Variants in TENM3 observed in about 807,000 individuals in gnomAD.
TENM3 encodes the protein teneurin transmembrane protein 3.
TENM3 carries 63 observed loss-of-function variants against 255.1 expected under a neutral mutation model. The ratio of observed to expected loss-of-function variants is 0.25; its 90% CI spans 0.20 to 0.30. The LOEUF (loss-of-function observed/expected upper bound fraction) is 0.30. Among genes scored for constraint, TENM3 ranks in the 10% least tolerant of loss-of-function variants. TENM3 has a pLI of 1.00. For synonymous variants in TENM3, 1,306 were observed against 1,322.3 expected (o/e 0.99, Z 0.27); for missense variants, 2,929 against 3,461.1 (o/e 0.85, Z 3.86).
intron 24 of TENM3, among the ~76,000 whole-genome samples, chr4:182,777,575 T>G (rs1292652378): frequency 7.7e-6 from 1 of 130,274 alleles, no homozygotes; most frequent in African/African-American, 2.8e-5. Context: ...TTTTTTTTTT[T>G]GAGATGGAGT....
chr4:182,186,479 A>G (rs1346410450), intron 1 of TENM3, among the ~76,000 whole-genome samples: 1 of 151,906 alleles, frequency 6.6e-6, no homozygotes, highest in East Asian at 1.9e-4. Flanking sequence ...TATATTTTTA[A>G]TAATAGAAGA....
At chr4:181,550,092 A>C in the TENM3 span, among the ~76,000 whole-genome samples, 1 of 152,220 alleles carries the variant, frequency 6.6e-6, no homozygotes, top group Admixed American at 6.5e-5. Context: ...GTGGTAACCT[A>C]AACAAAAGAG....
At chr4:182,629,679 G>A (rs975515865) in intron 5 of TENM3, among the ~76,000 whole-genome samples, 1 of 152,002 alleles carries the variant, frequency 6.6e-6, no homozygotes, top group Non-Finnish European at 1.5e-5. Flanking sequence ...AGGCTTTGTG[G>A]TTTATCCACC....
the TENM3 span, among the ~76,000 whole-genome samples, chr4:181,797,417 C>T: frequency 2.6e-5 from 4 of 152,032 alleles, no homozygotes; most frequent in Non-Finnish European, 5.9e-5. Context: ...GCTGACACAC[C>T]TTCTCCTTCC....
the TENM3 span, among the ~76,000 whole-genome samples, chr4:181,716,829 T>C: frequency 7.5e-4 from 114 of 152,156 alleles, 1 homozygote; most frequent in Non-Finnish European, 1.3e-3. Context: ...AACAAGAAAT[T>C]TCATCAGTTG....
At chr4:182,332,457 C>G (rs529294995) in intron 2 of TENM3, among the ~76,000 whole-genome samples, 1 of 152,218 alleles carries the variant, frequency 6.6e-6, no homozygotes, top group South Asian at 2.1e-4. Flanking sequence ...CTTTGGGAGG[C>G]CGAGGCGGGC....
the TENM3 span, among the ~76,000 whole-genome samples, chr4:181,511,722 C>A: frequency 1.3e-5 from 2 of 152,152 alleles, no homozygotes; most frequent in Non-Finnish European, 2.9e-5. Flanking sequence ...AAGACATTTT[C>A]AGAAGAACTC....
chr4:181,881,870 A>G, the TENM3 span, among the ~76,000 whole-genome samples: 2 of 152,222 alleles, frequency 1.3e-5, no homozygotes, highest in Non-Finnish European at 2.9e-5. Flanking sequence ...TCTAGACCAT[A>G]AAAATCTCCT....
the TENM3 span, among the ~76,000 whole-genome samples, chr4:182,135,138 G>A: frequency 4.2e-5 from 6 of 144,354 alleles, no homozygotes; most frequent in East Asian, 1.0e-3. Context: ...CCCGGGAGGC[G>A]GACGTTGCAG....
chr4:182,449,952 A>C (rs1274000683), intron 3 of TENM3, among the ~76,000 whole-genome samples: 3 of 152,216 alleles, frequency 2.0e-5, no homozygotes, highest in Non-Finnish European at 2.9e-5. Context: ...TGAGAAAGTC[A>C]CATTTCCTCC....
rs192589335 is a variant in TENM3, at chr4:182,266,296, G to T, written c.-76+22820G>T. ...TAAAATGTGTTTTTGGTAGAAGATT[G>T]TAAGAAGTCATGGGAATGTGGATTT... On this transcript the variant is annotated intron_variant, in intron 1 of 27. Coordinates refer to ENST00000511685, the MANE Select transcript of TENM3 (RefSeq NM_001080477.4). Among the ~76,000 whole-genome samples, 227 of 152,344 alleles carry T rather than the reference G, an allele frequency of 1.5e-3. 1 individual carries two copies. The highest frequency in any genetic ancestry group is 5.1e-3 in the African/African-American group (211 of 41,586).
the TENM3 span, among the ~76,000 whole-genome samples, chr4:181,903,234 A>G: frequency 6.6e-6 from 1 of 150,972 alleles, no homozygotes; most frequent in Non-Finnish European, 1.5e-5. Context: ...CTTCTGAATT[A>G]GTTTTTTATA....
At chr4:181,829,751 A>C in the TENM3 span, among the ~76,000 whole-genome samples, 1 of 152,114 alleles carries the variant, frequency 6.6e-6, no homozygotes, top group Non-Finnish European at 1.5e-5. Flanking sequence ...CCCACCCCAC[A>C]GGAGCAAGCC....
chr4:182,098,575 C>A, the TENM3 span, among the ~76,000 whole-genome samples: 1 of 152,110 alleles, frequency 6.6e-6, no homozygotes. Context: ...AAGCCAGGCA[C>A]AGAAAGACAA....
chr4:181,709,452 G>A, the TENM3 span, among the ~76,000 whole-genome samples: 4 of 152,350 alleles, frequency 2.6e-5, no homozygotes, highest in African/African-American at 9.6e-5. Flanking sequence ...GAAAGTGTGA[G>A]ACCATTAAAG....
At chr4:182,002,285 G>T in the TENM3 span, among the ~76,000 whole-genome samples, 1 of 152,090 alleles carries the variant, frequency 6.6e-6, no homozygotes, top group Admixed American at 6.6e-5. Context: ...ACAAGTCAGA[G>T]TTGATGAAGA....
At chr4:182,378,966 A>G (rs184159210) in intron 3 of TENM3, among the ~76,000 whole-genome samples, 163 of 152,222 alleles carry the variant, frequency 1.1e-3, no homozygotes, top group Non-Finnish European at 1.8e-3. Flanking sequence ...TACGTGGCAG[A>G]AGGTGCGTAC....
At chr4:182,246,527 G>A (rs1757659742) in intron 1 of TENM3, among the ~76,000 whole-genome samples, 2 of 152,088 alleles carry the variant, frequency 1.3e-5, no homozygotes, top group South Asian at 2.1e-4. Flanking sequence ...AAATAGAGCC[G>A]GAGTAGTAGT....
At chr4:181,836,695 A>G in the TENM3 span, among the ~76,000 whole-genome samples, 25 of 152,212 alleles carry the variant, frequency 1.6e-4, no homozygotes, top group Non-Finnish European at 3.4e-4. Flanking sequence ...TGATAAAGCC[A>G]GTGCCCTCCC....
Sources: allele counts gnomAD v4.1 joint callset (sites outside exome capture counted in the v4.1 genomes callset), GRCh38; gene constraint gnomAD v4.1.1; transcripts MANE v1.5; gene names NCBI Gene and HGNC (gene_info 2026-07-23, HGNC 2026-07-21).